ZNF766: variants seen among roughly 807,000 people sequenced by gnomAD.
ZNF766 encodes the protein zinc finger protein 766.
A neutral mutation model predicts 13.2 loss-of-function variants in ZNF766; 13 were observed. That is an observed-to-expected ratio of 0.98 (90% CI 0.64 to 1.56). ZNF766 has a LOEUF of 1.56. ZNF766 is among the 40% of genes most tolerant of loss of function. The probability of loss-of-function intolerance (pLI) is 0.00; values close to 1 mark genes in which losing one functional copy is unlikely to be tolerated. For synonymous variants in ZNF766, 178 were observed against 187.6 expected (o/e 0.95, Z 0.42); for missense variants, 521 against 552.2 (o/e 0.94, Z 0.57).
intron 3 of ZNF766, 114 bp from the exon 4 acceptor site, chr19:52,289,952 G>C: frequency 1.9e-6 from 2 of 1,070,342 alleles, no homozygotes; most frequent in Non-Finnish European, 2.7e-6. Flanking sequence ...AGTGATCCGA[G>C]ATCGTGCCAC....
chr19:52,283,794 A>G (rs1188503873), intron 3 of ZNF766, among the ~76,000 whole-genome samples: 3 of 152,072 alleles, frequency 2.0e-5, no homozygotes, highest in African/African-American at 7.2e-5. Context: ...CTGGAGTGCA[A>G]TGGCGTGATC....
intron 1 of ZNF766, among the ~76,000 whole-genome samples, chr19:52,270,414 GA>G (rs1980926203): frequency 1.3e-5 from 2 of 152,172 alleles, no homozygotes; most frequent in Non-Finnish European, 2.9e-5. Context: ...AGCAACTCGA[GA>G]AATGTAGAGA....
At position 52,291,735 on chromosome 19, in the gene ZNF766, C is replaced by G. The variant is rs1199755696; in HGVS notation, c.*537C>G. On this transcript the variant is annotated 3_prime_UTR_variant, in exon 4 of 4. Coordinates refer to ENST00000439461, the MANE Select transcript of ZNF766 (RefSeq NM_001010851.3). ...TGAGATCGCGCCACTGCACTCCAACCTGGGTGACAGAGCGAGACTCCGTCT... is the reference window on the plus strand; with the variant it reads ...TGAGATCGCGCCACTGCACTCCAACGTGGGTGACAGAGCGAGACTCCGTCT... 6.2e-6 allele frequency: 1 copy of G among 161,384 alleles called. No homozygotes were observed. The highest frequency in any genetic ancestry group is 2.4e-5 in the African/African-American group (1 of 41,358). 10.0% of individuals were successfully genotyped at this position (161,384 alleles called of 1,614,324 possible).
chr19:52,270,560 C>G (rs1014138242), intron 1 of ZNF766, among the ~76,000 whole-genome samples: 1 of 151,912 alleles, frequency 6.6e-6, no homozygotes, highest in Admixed American at 6.6e-5. Context: ...GGTGCTGGCA[C>G]AGCAAGAGGG....
rs986342075 is a variant in ZNF766 at position 52,292,081 on chromosome 19, GA to G, written c.*891del. On this transcript the variant is annotated 3_prime_UTR_variant, in exon 4 of 4. Coordinates refer to ENST00000439461, the MANE Select transcript of ZNF766 (RefSeq NM_001010851.3). Reference sequence around the variant, plus strand: ...GACAGAGCGAGACCCTGTCTCAAAAGAAAAAAAAGGCTAGTTTTTATGACTT... The same window carrying G: ...GACAGAGCGAGACCCTGTCTCAAAAGAAAAAAAGGCTAGTTTTTATGACTT... 1.4e-5 allele frequency: 10 copies of G among 694,242 alleles called. No individual in the cohort carries two copies. The highest frequency in any genetic ancestry group is 1.8e-5 in the Non-Finnish European group (7 of 381,832). The allele number at this position is 694,242 out of a possible 1,614,324, so 43.0% of individuals were successfully genotyped here. A position where few individuals can be genotyped will look rare whatever the true frequency, so the allele number is the denominator to read the frequency against.
chr19:52,270,215 G>A (rs1293086981), intron 1 of ZNF766, among the ~76,000 whole-genome samples: 1 of 152,148 alleles, frequency 6.6e-6, no homozygotes, highest in Non-Finnish European at 1.5e-5. Flanking sequence ...CTCTTGAGGA[G>A]GTGGGTATTT....
In ZNF766 at chr19:52,270,425, A is replaced by T. The variant is rs532586440; in HGVS notation, c.18+794A>T. On this transcript the variant is annotated intron_variant, in intron 1 of 3. Coordinates refer to ENST00000439461, the MANE Select transcript of ZNF766 (RefSeq NM_001010851.3). The stretch of plus-strand genomic sequence containing the variant: ...GAAAAGCAACTCGAGAAATGTAGAG[A>T]AAAGTTCTATTTCTAGACAGATGAA... Among the ~76,000 whole-genome samples the T allele has an allele frequency of 2.0e-5, 3 of 152,272 alleles. No homozygotes were observed. In the East Asian group the frequency reaches 5.8e-4, roughly 29 times the overall value.
At chr19:52,281,898 C>T (rs764163171) in intron 1 of ZNF766, 11 of 599,042 alleles carry the variant, frequency 1.8e-5, no homozygotes, top group Non-Finnish European at 2.8e-5. Context: ...GAAAAATCTA[C>T]ACTAGTTTAA....
rs780423440 is a variant in ZNF766 at position 52,290,590 on chromosome 19, G to T, written c.799G>T (p.Gly267Ter). 1 of 1,614,078 alleles carries T rather than the reference G, an allele frequency of 6.2e-7. No individual in the cohort carries two copies. The highest frequency in any genetic ancestry group is 8.5e-7 in the Non-Finnish European group (1 of 1,179,980). The change falls in exon 4 of 4, where the codon GGA becomes TGA. Residue 267 changes from glycine to a stop codon, truncating the protein, a stop_gained. Transcript: ENST00000439461. LOFTEE classifies it low-confidence loss of function (END_TRUNC). ...TGCACGACACGAGAAAGTGCATACTGGAGAGAGTCCTTACAAATGTAATGA... is the reference window on the plus strand; with the variant it reads ...TGCACGACACGAGAAAGTGCATACTTGAGAGAGTCCTTACAAATGTAATGA... ...YLARHEKVHT[G>*]ESPYKCNECG...
chr19:52,282,334 G>A (rs2122478477), intron 2 of ZNF766, 97 bp downstream of exon 2: 1 of 1,418,962 alleles, frequency 7.0e-7, no homozygotes, highest in Admixed American at 2.4e-5. Context: ...GCTTGACTGA[G>A]ATTGAAACCC....
Position 52,292,142 on chromosome 19 carries a change from C to A in ZNF766, c.*944C>A. On this transcript the variant is annotated 3_prime_UTR_variant, in exon 4 of 4. Transcript: ENST00000439461. ...CTTTGAAATTTCTTCATGTGCCTTC[C>A]CTACAGGCCTTTCACTGTGGTCTGG... 1 of 702,496 alleles carries A rather than the reference C, an allele frequency of 1.4e-6. No homozygotes were observed. The highest frequency in any genetic ancestry group is 2.6e-6 in the Non-Finnish European group (1 of 384,806). The allele number at this position is 702,496 out of a possible 1,614,324, so 43.5% of individuals were successfully genotyped here. A position where few individuals can be genotyped will look rare whatever the true frequency, so the allele number is the denominator to read the frequency against.
At chr19:52,273,358 A>G (rs1981057789) in intron 1 of ZNF766, among the ~76,000 whole-genome samples, 1 of 152,196 alleles carries the variant, frequency 6.6e-6, no homozygotes, top group Non-Finnish European at 1.5e-5. Context: ...ACTAAAACAG[A>G]TGAGGAAATT....
chr19:52,280,768 A>G (rs750923201), intron 1 of ZNF766, among the ~76,000 whole-genome samples: 5 of 151,682 alleles, frequency 3.3e-5, no homozygotes, highest in Non-Finnish European at 7.4e-5. Context: ...TTTTTAGTAG[A>G]GACAGGTTTC....
chr19:52,276,666 C>T (rs1410392989), intron 1 of ZNF766, among the ~76,000 whole-genome samples: 1 of 152,164 alleles, frequency 6.6e-6, no homozygotes, highest in Non-Finnish European at 1.5e-5. Flanking sequence ...TCACAGGCAT[C>T]CTTTAAGTGG....
chr19:52,290,163 T>A lies in ZNF766; in HGVS notation c.372T>A (p.Phe124Leu). 1 of 1,614,102 alleles carries A rather than the reference T, an allele frequency of 6.2e-7. No homozygotes were observed. Among genetic ancestry groups the A allele is most frequent in the Non-Finnish European group, 8.5e-7 (1 of 1,179,944 alleles). ...TACCTCTGCCAGAACTGGAGATATT[T>A]CAAGGTGAAGGGAAGATTTATGAAT... ...FQLPLPELEIFQGEGKIYECN... is the reference protein window; with the variant it reads ...FQLPLPELEILQGEGKIYECN... The change falls in exon 4 of 4, where the codon TTT becomes TTA. Residue 124 changes from phenylalanine to leucine, a missense_variant. Phe to Leu is a conservative substitution (Grantham distance 22). Coordinates refer to ENST00000439461, the MANE Select transcript of ZNF766 (RefSeq NM_001010851.3).
chr19:52,287,083 C>T (rs1249631003), intron 3 of ZNF766, among the ~76,000 whole-genome samples: 2 of 152,118 alleles, frequency 1.3e-5, no homozygotes, highest in Non-Finnish European at 2.9e-5. Context: ...GATCTGCCTG[C>T]CTCAGCCTCC....
rs757384804 is a variant in ZNF766 at position 52,291,053 on chromosome 19, C to T, written c.1262C>T (p.Thr421Ile). ...TGTAATGAGTGTGGCAAAGTCTTCACTCAGAATTCACACCTTGCAAATCAT... is the reference window on the plus strand; with the variant it reads ...TGTAATGAGTGTGGCAAAGTCTTCATTCAGAATTCACACCTTGCAAATCAT... ...YKCNECGKVF[T>I]QNSHLANHQR... The change falls in exon 4 of 4, where the codon ACT becomes ATT. Residue 421 changes from threonine (T) to isoleucine (I), a missense_variant. By Grantham distance (89) the Thr-to-Ile change is moderately conservative (BLOSUM62 -1). Coordinates refer to ENST00000439461, the MANE Select transcript of ZNF766 (RefSeq NM_001010851.3). 3 of 1,613,952 alleles carry T rather than the reference C, an allele frequency of 1.9e-6. No homozygotes were observed. Among genetic ancestry groups the T allele is most frequent in the Non-Finnish European group, 1.7e-6 (2 of 1,179,942 alleles).
intron 1 of ZNF766, chr19:52,277,423 C>T: frequency 2.0e-6 from 3 of 1,485,962 alleles, no homozygotes; most frequent in Non-Finnish European, 2.7e-6. Context: ...CGGGCCACGG[C>T]ACTCCAGCCT....
intron 1 of ZNF766, among the ~76,000 whole-genome samples, chr19:52,277,732 G>A (rs906926444): frequency 6.6e-6 from 1 of 151,990 alleles, no homozygotes; most frequent in African/African-American, 2.4e-5. Flanking sequence ...CATGAACTTG[G>A]GAAGAGGCTG....
Sources: gnomAD v4.1 joint callset for allele counts (sites outside exome capture counted in the v4.1 genomes callset) on GRCh38, gnomAD v4.1.1 for gene constraint, MANE v1.5 for transcripts, NCBI Gene and HGNC (gene_info 2026-07-23, HGNC 2026-07-21) for gene names.